The following WASF2 variants were observed in gnomAD, a reference collection of about 807,000 sequenced individuals.
WASF2 encodes the protein WASP family member 2.
A neutral mutation model predicts 45.0 loss-of-function variants in WASF2; 14 were observed. The ratio of observed to expected loss-of-function variants is 0.31; its 90% CI spans 0.21 to 0.49. The LOEUF is 0.49. WASF2 is among the 20% of genes least tolerant of loss of function. WASF2 has a pLI of 0.99. For missense variants in WASF2, 439 were observed against 636.1 expected (o/e 0.69, Z 3.33); for synonymous variants, 200 against 236.3 (o/e 0.85, Z 1.41).
intron 4 of WASF2, among the ~76,000 whole-genome samples, chr1:27,417,451 G>A (rs181272538): frequency 2.6e-5 from 4 of 152,144 alleles, no homozygotes; most frequent in South Asian, 2.1e-4. Context: ...TGAATTTCAC[G>A]TGGGTACACA....
In WASF2 at chr1:27,407,442, G is replaced by C. The variant is rs2016693867; in HGVS notation, c.*747C>G. On this transcript the variant is annotated 3_prime_UTR_variant, in exon 9 of 9. Coordinates refer to ENST00000618852, the MANE Select transcript of WASF2 (RefSeq NM_006990.5). The stretch of plus-strand genomic sequence containing the variant: ...AGGGATAGTTTGGTCATGGATACTA[G>C]AGGTTAAAACTGGGCTGTGTTGCCT... 6.5e-6 allele frequency: 1 copy of C among 152,734 alleles called. No homozygotes were observed. The highest frequency in any genetic ancestry group is 2.4e-5 in the African/African-American group (1 of 41,444). The allele number at this position is 152,734 out of a possible 1,614,324, so 9.5% of individuals were successfully genotyped here.
At chr1:27,477,911 T>A (rs68166666) in intron 1 of WASF2, among the ~76,000 whole-genome samples, 27,169 of 118,730 alleles carry the variant, frequency 0.23, 5,787 homozygotes, top group African/African-American at 0.38. Context: ...AAAAAAAAAA[T>A]AAATAAATAA....
chr1:27,418,739 A>G (rs2016860404), intron 3 of WASF2, among the ~76,000 whole-genome samples: 1 of 152,132 alleles, frequency 6.6e-6, no homozygotes, highest in African/African-American at 2.4e-5. Context: ...TTTGAGAAAG[A>G]AGGAATTGGG....
intron 1 of WASF2, among the ~76,000 whole-genome samples, chr1:27,484,444 G>T (rs1571170083): frequency 6.6e-6 from 1 of 151,980 alleles, no homozygotes; most frequent in African/African-American, 2.4e-5. Context: ...TGCAAATTGT[G>T]GAAGCTTCAT....
chr1:27,409,357 A>G (rs543789127), intron 8 of WASF2, among the ~76,000 whole-genome samples: 8 of 143,378 alleles, frequency 5.6e-5, no homozygotes, highest in South Asian at 4.6e-4. Flanking sequence ...CCCGGGAGGC[A>G]GAGCTTGCAG....
At chr1:27,483,427 T>C (rs549713350) in intron 1 of WASF2, among the ~76,000 whole-genome samples, 6 of 151,752 alleles carry the variant, frequency 4.0e-5, no homozygotes, top group Admixed American at 3.3e-4. Context: ...GCCGAGACCA[T>C]GCCATTGTTC....
chr1:27,481,104 A>G (rs1192529946), intron 1 of WASF2, among the ~76,000 whole-genome samples: 9 of 148,214 alleles, frequency 6.1e-5, no homozygotes, highest in Non-Finnish European at 1.2e-4. Flanking sequence ...AGACCATCCT[A>G]GCTTACATGG....
chr1:27,434,644 A>T (rs2017107679), intron 1 of WASF2, among the ~76,000 whole-genome samples: 1 of 152,196 alleles, frequency 6.6e-6, no homozygotes, highest in Non-Finnish European at 1.5e-5. Context: ...TCCTGGACTG[A>T]TCAAGGAGTT....
intron 2 of WASF2, among the ~76,000 whole-genome samples, chr1:27,420,800 T>C (rs913163347): frequency 2.6e-5 from 4 of 151,990 alleles, no homozygotes; most frequent in Admixed American, 2.6e-4. Context: ...TGGGATTACA[T>C]GCATGAGCCA....
At chr1:27,417,374 A>C (rs2016841045) in intron 4 of WASF2, among the ~76,000 whole-genome samples, 1 of 152,162 alleles carries the variant, frequency 6.6e-6, no homozygotes, top group South Asian at 2.1e-4. Flanking sequence ...TTACAAGTAA[A>C]ATGAAGGACA....
At chr1:27,412,808 G>T in intron 6 of WASF2, 81 bp from the exon 7 acceptor site, 1 of 1,526,980 alleles carries the variant, frequency 6.5e-7, no homozygotes, top group Non-Finnish European at 9.1e-7. Context: ...CTACAAAAAT[G>T]CATTTGATAC....
intron 1 of WASF2, among the ~76,000 whole-genome samples, chr1:27,481,468 G>T (rs1403359266): frequency 6.6e-6 from 1 of 152,160 alleles, no homozygotes; most frequent in Non-Finnish European, 1.5e-5. Flanking sequence ...GGAAGCAGAG[G>T]TGGGCAGATC....
intron 1 of WASF2, among the ~76,000 whole-genome samples, chr1:27,446,842 C>CTAAT (rs2017316819): frequency 6.6e-6 from 1 of 151,434 alleles, no homozygotes; most frequent in Non-Finnish European, 1.5e-5. Context: ...TTTCCATTAC[C>CTAAT]TAATTGCTAT....
At chr1:27,427,153 G>A (rs974378472) in intron 2 of WASF2, among the ~76,000 whole-genome samples, 6 of 152,134 alleles carry the variant, frequency 3.9e-5, no homozygotes, top group Non-Finnish European at 8.8e-5. Context: ...ATGAATAAAG[G>A]ATCAGTTAGC....
chr1:27,474,062 A>G (rs1473607635), intron 1 of WASF2, among the ~76,000 whole-genome samples: 1 of 152,218 alleles, frequency 6.6e-6, no homozygotes, highest in Non-Finnish European at 1.5e-5. Context: ...GAGAACGTGC[A>G]AACTACACAG....
rs1463251215 is a variant in WASF2 at position 27,406,406 on chromosome 1, AGAG to A, written c.*1780_*1782del. 6.5e-6 allele frequency: 1 copy of A among 153,092 alleles called. No homozygotes were observed. The highest frequency in any genetic ancestry group is 2.4e-5 in the African/African-American group (1 of 41,474). 9.5% of individuals were successfully genotyped at this position (153,092 alleles called of 1,614,324 possible). A position where few individuals can be genotyped will look rare whatever the true frequency, so the allele number is the denominator to read the frequency against. Reference sequence around the variant, plus strand: ...CACCCTGAGTTCCAGGAAAGAAGGCAGAGGAGAAGCGGCCAGCAAGGGCACAGA... The same window carrying A: ...CACCCTGAGTTCCAGGAAAGAAGGCAGAGAAGCGGCCAGCAAGGGCACAGA... On this transcript the variant is annotated 3_prime_UTR_variant, in exon 9 of 9. Coordinates refer to ENST00000618852, the MANE Select transcript of WASF2 (RefSeq NM_006990.5).
intron 1 of WASF2, among the ~76,000 whole-genome samples, chr1:27,436,375 C>T (rs1288787025): frequency 6.6e-6 from 1 of 152,006 alleles, no homozygotes; most frequent in African/African-American, 2.4e-5. Context: ...ATTGCTTGAG[C>T]CTTGGAGGTT....
rs185446222 is a variant in WASF2 at position 27,441,622 on chromosome 1, C to A, written c.-43-12689G>T. ...CAAAAAAATTAGCCGGGCGTGGTGG[C>A]GGGCGCCTGTAGTCCCAGCTACTCC... On this transcript the variant is annotated intron_variant, in intron 1 of 8. Coordinates refer to ENST00000618852, the MANE Select transcript of WASF2 (RefSeq NM_006990.5). Among the ~76,000 whole-genome samples, 353 of 152,108 alleles carry A rather than the reference C, an allele frequency of 2.3e-3. 1 individual carries two copies. Among genetic ancestry groups the A allele is most frequent in the African/African-American group, 8.0e-3 (332 of 41,496 alleles).
chr1:27,450,115 G>A (rs906003806), intron 1 of WASF2, among the ~76,000 whole-genome samples: 3 of 151,770 alleles, frequency 2.0e-5, no homozygotes, highest in Admixed American at 6.6e-5. Context: ...TTGCACTCCA[G>A]CCCGGGCAAC....
Sources: gnomAD v4.1 joint callset for allele counts (sites outside exome capture counted in the v4.1 genomes callset) on GRCh38, gnomAD v4.1.1 for gene constraint, MANE v1.5 for transcripts, NCBI Gene and HGNC (gene_info 2026-07-23, HGNC 2026-07-21) for gene names.